RAD51B: variants seen among roughly 807,000 people sequenced by gnomAD.
RAD51B encodes the protein DNA repair protein RAD51 homolog 2.
RAD51B carries 38 observed loss-of-function variants against 42.2 expected under a neutral mutation model. That is an observed-to-expected ratio of 0.90 (90% CI 0.70 to 1.18). The LOEUF (loss-of-function observed/expected upper bound fraction) is 1.18, where lower values mean the gene tolerates loss of function less well. Among genes scored for constraint, RAD51B ranks in the 50% most tolerant of loss-of-function variants. The pLI, the probability that RAD51B is intolerant of heterozygous loss-of-function variation, is 0.00. For missense variants in RAD51B, 373 were observed against 400.7 expected (o/e 0.93, Z 0.59); for synonymous variants, 154 against 145.2 (o/e 1.06, Z -0.43).
intron 9 of RAD51B, among the ~76,000 whole-genome samples, chr14:68,412,219 A>G (rs7359088): frequency 0.3 from 46,002 of 152,136 alleles, 7,357 homozygotes; most frequent in African/African-American, 0.36. Flanking sequence ...AAAATGTTTC[A>G]TAATAAAAAA....
intron 8 of RAD51B, among the ~76,000 whole-genome samples, chr14:68,320,936 A>C (rs2082146026): frequency 6.6e-6 from 1 of 152,118 alleles, no homozygotes; most frequent in East Asian, 1.9e-4. Context: ...TCTGGTTAAA[A>C]GCTTCCCTAG....
At chr14:68,031,201 TC>T (rs1238511037) in intron 7 of RAD51B, among the ~76,000 whole-genome samples, 1 of 152,170 alleles carries the variant, frequency 6.6e-6, no homozygotes, top group Non-Finnish European at 1.5e-5. Context: ...GCAAGTCATG[TC>T]TTACATGGAT....
At chr14:68,328,728 A>C (rs2082292279) in intron 8 of RAD51B, among the ~76,000 whole-genome samples, 1 of 152,228 alleles carries the variant, frequency 6.6e-6, no homozygotes, top group African/African-American at 2.4e-5. Flanking sequence ...GAAGCTGAGC[A>C]TGTGAGAATC....
rs143476861 is a variant in RAD51B, at chr14:68,665,470, C to G, written c.*11+14614C>G. ...TCATATGTGTGAAGTGGAAACATCACTTTATCAGAAATATACTTCCCCCAA... is the reference window on the plus strand; with the variant it reads ...TCATATGTGTGAAGTGGAAACATCAGTTTATCAGAAATATACTTCCCCCAA... On this transcript the variant is annotated intron_variant, in intron 11 of 11. Coordinates refer to the RAD51B transcript ENST00000488612. Among the ~76,000 whole-genome samples the G allele has an allele frequency of 3.8e-4, 58 of 152,364 alleles. 1 individual carries two copies. In the East Asian group the frequency reaches 0.011, roughly 28 times the overall value.
At chr14:68,162,370 A>G (rs2078657984) in intron 7 of RAD51B, among the ~76,000 whole-genome samples, 1 of 152,226 alleles carries the variant, frequency 6.6e-6, no homozygotes, top group Non-Finnish European at 1.5e-5. Flanking sequence ...TTCTTAAAAT[A>G]GAAATCTAGG....
chr14:67,995,701 T>G (rs2140300526), intron 7 of RAD51B, among the ~76,000 whole-genome samples: 1 of 151,184 alleles, frequency 6.6e-6, no homozygotes, highest in African/African-American at 2.4e-5. Flanking sequence ...CACTGCAAGC[T>G]CCGCCTCCTG....
At chr14:67,820,476 T>G (rs903163000) in intron 1 of RAD51B, among the ~76,000 whole-genome samples, 2 of 152,174 alleles carry the variant, frequency 1.3e-5, no homozygotes, top group African/African-American at 4.8e-5. Context: ...AGGACAGGGT[T>G]CATTCTCCAG....
chr14:68,457,271 C>A (rs2085720502), intron 9 of RAD51B, among the ~76,000 whole-genome samples: 1 of 151,670 alleles, frequency 6.6e-6, no homozygotes, highest in African/African-American at 2.4e-5. Flanking sequence ...CAGTTCTGTG[C>A]AAATTTAAAA....
chr14:68,399,401 C>T (rs1253463323), intron 8 of RAD51B, among the ~76,000 whole-genome samples: 2 of 151,650 alleles, frequency 1.3e-5, no homozygotes, highest in African/African-American at 2.4e-5. Flanking sequence ...GGACTACAGG[C>T]ACCCGCCACA....
In RAD51B at chr14:67,957,591, A is replaced by G. The variant is rs2140221601; in HGVS notation, c.756+70387A>G. ...GTTTTAGAGAAATAAAACAGGTAACATTTGATGGAGAATGATAGTACCATT... is the reference window on the plus strand; with the variant it reads ...GTTTTAGAGAAATAAAACAGGTAACGTTTGATGGAGAATGATAGTACCATT... On this transcript the variant is annotated intron_variant, in intron 7 of 10. Transcript: ENST00000471583. Among the ~76,000 whole-genome samples the G allele has an allele frequency of 3.3e-5, 5 of 152,322 alleles. No homozygotes were observed. In the Middle Eastern group the frequency reaches 0.014, roughly 414 times the overall value.
At chr14:68,566,913 G>A (rs1241711485) in intron 10 of RAD51B, among the ~76,000 whole-genome samples, 1 of 152,088 alleles carries the variant, frequency 6.6e-6, no homozygotes, top group Admixed American at 6.5e-5. Context: ...CAGGCCATGG[G>A]TTTATTGCTT....
intron 9 of RAD51B, among the ~76,000 whole-genome samples, chr14:68,418,677 G>A (rs1028011771): frequency 1.3e-5 from 2 of 152,162 alleles, no homozygotes; most frequent in Non-Finnish European, 2.9e-5. Context: ...AAACAACATC[G>A]GAAACAGCTA....
At chr14:67,883,102 A>T (rs1399267680) in intron 5 of RAD51B, among the ~76,000 whole-genome samples, 4 of 152,012 alleles carry the variant, frequency 2.6e-5, no homozygotes, top group African/African-American at 7.3e-5. Context: ...ACTTCTCATC[A>T]CTTGACCTGT....
intron 7 of RAD51B, among the ~76,000 whole-genome samples, chr14:68,238,121 A>G (rs2080304649): frequency 6.6e-6 from 1 of 152,154 alleles, no homozygotes; most frequent in Non-Finnish European, 1.5e-5. Flanking sequence ...AAGTGACCAC[A>G]CCATTTTACA....
At chr14:68,572,063 A>AC (rs1490818223) in intron 10 of RAD51B, among the ~76,000 whole-genome samples, 1 of 151,984 alleles carries the variant, frequency 6.6e-6, no homozygotes, top group African/African-American at 2.4e-5. Context: ...ACCCCCACAG[A>AC]CCCCAGTGTG....
At chr14:67,914,267 GCC>G (rs2044081291) in intron 7 of RAD51B, among the ~76,000 whole-genome samples, 1 of 152,134 alleles carries the variant, frequency 6.6e-6, no homozygotes, top group African/African-American at 2.4e-5. Context: ...ATAGGTCTGA[GCC>G]CCTGTGCCCG....
chr14:67,964,918 A>G (rs182447449), intron 7 of RAD51B, among the ~76,000 whole-genome samples: 24 of 152,336 alleles, frequency 1.6e-4, no homozygotes, highest in Non-Finnish European at 2.9e-4. Context: ...ACCTTGTCTC[A>G]TATTTCCTTT....
chr14:67,933,749 A>T (rs1208269881), intron 7 of RAD51B, among the ~76,000 whole-genome samples: 2 of 152,096 alleles, frequency 1.3e-5, no homozygotes, highest in East Asian at 3.9e-4. Context: ...GTTCTATTAT[A>T]GGTGTGATTA....
chr14:68,275,273 T>G (rs1166171779), intron 7 of RAD51B, among the ~76,000 whole-genome samples: 4 of 152,238 alleles, frequency 2.6e-5, no homozygotes, highest in Non-Finnish European at 5.9e-5. Context: ...ATGTGCTACC[T>G]GAGAACTGAC....
Sources: allele counts gnomAD v4.1 joint callset (sites outside exome capture counted in the v4.1 genomes callset), GRCh38; gene constraint gnomAD v4.1.1; transcripts MANE v1.5; gene names NCBI Gene and HGNC (gene_info 2026-07-23, HGNC 2026-07-21).